The following SPATA1 variants were observed in gnomAD, a reference collection of about 807,000 sequenced individuals.
SPATA1 encodes spermatogenesis associated 1, also known as spermatogenesis-associated protein 1.
Under a neutral mutation model 59.6 loss-of-function variants are expected in SPATA1, and 57 were observed. That is an observed-to-expected ratio of 0.96 (90% CI 0.77 to 1.19). The LOEUF (loss-of-function observed/expected upper bound fraction) is 1.19, where lower values mean the gene tolerates loss of function less well. Ranked by LOEUF, SPATA1 falls within the 50% of genes most tolerant of loss-of-function variation. SPATA1 has a pLI of 0.00. For synonymous variants in SPATA1, 147 were observed against 163.9 expected (o/e 0.90, Z 0.79); for missense variants, 448 against 480.7 (o/e 0.93, Z 0.64).
At position 84,525,680 on chromosome 1, in the gene SPATA1, C is replaced by A. The variant is rs1439433480; in HGVS notation, c.262-16C>A. The stretch of plus-strand genomic sequence containing the variant: ...GTAGCAAAAGCTTTAATTTTTTTCT[C>A]ACTACTTATTTCTAGGTGAAGGAAA... On this transcript the variant is annotated splice_polypyrimidine_tract_variant and intron_variant, in intron 4 of 12. Coordinates refer to ENST00000490879, the Ensembl canonical transcript of SPATA1. 4 of 1,553,564 alleles carry A rather than the reference C, an allele frequency of 2.6e-6. 1 individual carries two copies. The East Asian group carries it at 6.9e-5, about 27-fold the overall frequency.
At chr1:84,554,683 C>A, downstream of SPATA1, 1 of 206,338 alleles carries the variant, frequency 4.8e-6, no homozygotes, top group Non-Finnish European at 9.8e-6. Context: ...GATTCGTGAG[C>A]ATATATTTTA....
rs142293862 is a variant in SPATA1, at chr1:84,518,730, C to G, written c.37-1855C>G. 1.4e-4 allele frequency among the ~76,000 whole-genome samples: 22 copies of G among 151,876 alleles called. No individual in the cohort carries two copies. In the East Asian group the frequency reaches 4.3e-3, roughly 29 times the overall value. On this transcript the variant is annotated intron_variant, in intron 2 of 12. Coordinates refer to ENST00000490879, the Ensembl canonical transcript of SPATA1. The stretch of plus-strand genomic sequence containing the variant: ...CTTTATTTTATCTCTTTCTGGAACT[C>G]TTTCCCTCTAGATCTTCACTTGGCT...
At chr1:84,537,592 T>C (rs1373472270) in intron 8 of SPATA1, among the ~76,000 whole-genome samples, 3 of 152,134 alleles carry the variant, frequency 2.0e-5, no homozygotes, top group Admixed American at 6.5e-5. Flanking sequence ...GCCACAAATA[T>C]GGACTAAATT....
exon 6 of SPATA1, chr1:84,525,963 G>A (rs774680495): frequency 4.3e-6 from 7 of 1,613,644 alleles, no homozygotes; most frequent in Non-Finnish European, 5.9e-6. Context: ...GAGGCTGATG[G>A]AACAATCCAC....
chr1:84,533,116 C>T, intron 7 of SPATA1, 142 bp downstream of exon 7: 1 of 576,642 alleles, frequency 1.7e-6, no homozygotes, highest in Non-Finnish European at 3.0e-6. Context: ...TACCTTGATT[C>T]AGATCTTTAC....
intron 9 of SPATA1, 48 bp from the exon 10 acceptor site, chr1:84,545,586 A>C (rs1163925070): frequency 1.4e-6 from 2 of 1,468,318 alleles, no homozygotes; most frequent in Non-Finnish European, 1.8e-6. Context: ...GATATGAGCC[A>C]TCTTTCAGCT....
At chr1:84,513,965 T>A (rs1475893232) in intron 1 of SPATA1, among the ~76,000 whole-genome samples, 5 of 151,174 alleles carry the variant, frequency 3.3e-5, no homozygotes, top group Admixed American at 3.3e-4. Flanking sequence ...CCTCACCCTC[T>A]TGAGTAGCTG....
chr1:84,512,382 C>A (rs946808229), intron 1 of SPATA1, among the ~76,000 whole-genome samples: 25 of 152,184 alleles, frequency 1.6e-4, no homozygotes, highest in African/African-American at 6.0e-4. Flanking sequence ...TAGAAATCTG[C>A]TTTTCTGGCT....
chr1:84,562,414 T>A (rs1684612335), intron 4 of SPATA1, among the ~76,000 whole-genome samples: 1 of 152,212 alleles, frequency 6.6e-6, no homozygotes, highest in Non-Finnish European at 1.5e-5. Context: ...GGCATACACA[T>A]GTATATCAAT....
At chr1:84,517,024 G>A (rs140620249) in intron 2 of SPATA1, among the ~76,000 whole-genome samples, 135 of 151,956 alleles carry the variant, frequency 8.9e-4, no homozygotes, top group Non-Finnish European at 1.6e-3. Flanking sequence ...AACCAACTGC[G>A]GTCAAGATTT....
chr1:84,551,324 A>G (rs1218879642), intron 12 of SPATA1: 2 of 931,698 alleles, frequency 2.1e-6, no homozygotes, highest in Non-Finnish European at 2.6e-6. Flanking sequence ...AAAATTTTAA[A>G]AAGAAAAAAG....
At chr1:84,558,312 C>A, downstream of SPATA1, among the ~76,000 whole-genome samples, 1 of 149,090 alleles carries the variant, frequency 6.7e-6, no homozygotes, top group Non-Finnish European at 1.5e-5. Context: ...TTTTTTGAGA[C>A]GGAGTCTCGC....
chr1:84,550,458 G>A (rs752507153), exon 12 of SPATA1: 25 of 1,560,466 alleles, frequency 1.6e-5, no homozygotes, highest in Non-Finnish European at 2.2e-5. Flanking sequence ...AGATCACTGA[G>A]GTACAGCATG....
At chr1:84,542,287 G>T (rs570623045) in intron 8 of SPATA1, among the ~76,000 whole-genome samples, 2 of 152,216 alleles carry the variant, frequency 1.3e-5, no homozygotes, top group Admixed American at 1.3e-4. Flanking sequence ...AAATGGGTAT[G>T]TTTTCTTTGG....
intron 8 of SPATA1, among the ~76,000 whole-genome samples, chr1:84,542,200 G>A (rs1683936435): frequency 6.6e-6 from 1 of 152,120 alleles, no homozygotes; most frequent in Non-Finnish European, 1.5e-5. Flanking sequence ...CTGACCTCAG[G>A]TGATCCACCC....
chr1:84,556,795 A>G (rs1156686787), downstream of SPATA1, among the ~76,000 whole-genome samples: 4 of 152,012 alleles, frequency 2.6e-5, no homozygotes, highest in Admixed American at 6.6e-5. Context: ...AATATGGTAG[A>G]CTAATTGTAA....
At chr1:84,544,419 C>A in intron 9 of SPATA1, 115 bp downstream of exon 9, 1 of 758,784 alleles carries the variant, frequency 1.3e-6, no homozygotes, top group Non-Finnish European at 2.1e-6. Context: ...TAAATAAGTT[C>A]TGGAGATGGG....
chr1:84,525,281 A>G (rs1162993977), intron 4 of SPATA1, among the ~76,000 whole-genome samples: 1 of 152,226 alleles, frequency 6.6e-6, no homozygotes, highest in African/African-American at 2.4e-5. Flanking sequence ...AATATTTGTT[A>G]AATAAATAGA....
intron 4 of SPATA1, chr1:84,563,477 A>C: frequency 8.5e-7 from 1 of 1,175,326 alleles, no homozygotes; most frequent in Middle Eastern, 2.8e-4. Flanking sequence ...TTAAAAGCCA[A>C]ACCAAAAATA....
Sources: allele counts gnomAD v4.1 joint callset (sites outside exome capture counted in the v4.1 genomes callset), GRCh38; gene constraint gnomAD v4.1.1; transcripts MANE v1.5; gene names NCBI Gene and HGNC (gene_info 2026-07-23, HGNC 2026-07-21).